BICC1: variants seen among roughly 807,000 people sequenced by gnomAD.
BICC1 encodes protein bicaudal C homolog 1.
Under a neutral mutation model 111.0 loss-of-function variants are expected in BICC1, and 43 were observed. That is an observed-to-expected ratio of 0.39 (90% CI 0.30 to 0.50). The LOEUF (loss-of-function observed/expected upper bound fraction) is 0.50, where lower values mean the gene tolerates loss of function less well. Ranked by LOEUF, BICC1 falls within the 20% of genes least tolerant of loss-of-function variation. The pLI, the probability that BICC1 is intolerant of heterozygous loss-of-function variation, is 0.88. For missense variants in BICC1, 1,091 were observed against 1,203.2 expected (o/e 0.91, Z 1.38); for synonymous variants, 467 against 434.4 (o/e 1.07, Z -0.93).
At chr10:58,568,840 G>T (rs546978927) in intron 1 of BICC1, among the ~76,000 whole-genome samples, 1 of 152,302 alleles carries the variant, frequency 6.6e-6, no homozygotes, top group African/African-American at 2.4e-5. Context: ...AGAACGACAT[G>T]ATATTACCAA....
intron 1 of BICC1, among the ~76,000 whole-genome samples, chr10:58,547,148 T>G (rs547045137): frequency 3.9e-4 from 59 of 152,340 alleles, no homozygotes; most frequent in Non-Finnish European, 6.6e-4. Flanking sequence ...TGCATTGTTA[T>G]GAACTACAGT....
At chr10:58,541,140 G>A (rs1415441931) in intron 1 of BICC1, among the ~76,000 whole-genome samples, 3 of 152,024 alleles carry the variant, frequency 2.0e-5, no homozygotes, top group Non-Finnish European at 2.9e-5. Context: ...TTAAGATGAT[G>A]CACAAGGGAA....
intron 1 of BICC1, among the ~76,000 whole-genome samples, chr10:58,582,778 A>AT (rs1844318274): frequency 6.6e-6 from 1 of 152,056 alleles, no homozygotes; most frequent in Non-Finnish European, 1.5e-5. Flanking sequence ...TCCTTCCTCC[A>AT]TTTTTAAAGC....
At chr10:58,796,275 C>A in intron 9 of BICC1, 65 bp from the exon 10 acceptor site, 1 of 1,381,898 alleles carries the variant, frequency 7.2e-7, no homozygotes, top group Non-Finnish European at 1.0e-6. Flanking sequence ...CACCTCCCTC[C>A]CCTCCCCCAT....
chr10:58,826,365 TG>T (rs1373523612), intron 20 of BICC1, among the ~76,000 whole-genome samples: 1 of 152,122 alleles, frequency 6.6e-6, no homozygotes, highest in African/African-American at 2.4e-5. Flanking sequence ...AGAAAATCAT[TG>T]AGGAGAAAGA....
intron 2 of BICC1, among the ~76,000 whole-genome samples, chr10:58,638,107 T>C (rs1007051832): frequency 2.6e-5 from 4 of 152,112 alleles, no homozygotes; most frequent in Non-Finnish European, 4.4e-5. Context: ...AAAAAGAATG[T>C]AATTTTAACT....
chr10:58,676,128 G>T (rs146028839), intron 2 of BICC1, among the ~76,000 whole-genome samples: 1 of 152,136 alleles, frequency 6.6e-6, no homozygotes, highest in East Asian at 1.9e-4. Flanking sequence ...TTCACAACCC[G>T]CAGACCAGGA....
At chr10:58,752,956 TA>T (rs1589102802) in intron 3 of BICC1, among the ~76,000 whole-genome samples, 1 of 152,198 alleles carries the variant, frequency 6.6e-6, no homozygotes, top group East Asian at 1.9e-4. Flanking sequence ...TGGCTTTCTT[TA>T]TGCTTCCCAT....
intron 1 of BICC1, among the ~76,000 whole-genome samples, chr10:58,586,634 A>G (rs7478519): frequency 3.6e-4 from 1 of 2,740 alleles, no homozygotes; most frequent in Non-Finnish European, 1.0e-3. Flanking sequence ...AAAAAAAAAC[A>G]AAAAAAAACC....
chr10:58,648,762 T>C (rs1216279775), intron 2 of BICC1: 1 of 587,374 alleles, frequency 1.7e-6, no homozygotes, highest in East Asian at 1.4e-4. Flanking sequence ...TCATGATGAC[T>C]CCTGATCACT....
chr10:58,815,286 CAAGTCT>C (rs1229270581), intron 18 of BICC1, among the ~76,000 whole-genome samples: 1 of 152,042 alleles, frequency 6.6e-6, no homozygotes, highest in Non-Finnish European at 1.5e-5. Flanking sequence ...GGTTGTTGGC[CAAGTCT>C]AAATAAGAAA....
chr10:58,642,006 A>C (rs781580968), intron 2 of BICC1, among the ~76,000 whole-genome samples: 1 of 152,254 alleles, frequency 6.6e-6, no homozygotes, highest in Non-Finnish European at 1.5e-5. Context: ...AATATCTTGC[A>C]GGGAAGACAC....
At chr10:58,648,769 C>A in intron 2 of BICC1, 2 of 553,904 alleles carry the variant, frequency 3.6e-6, no homozygotes, top group Non-Finnish European at 4.6e-6. Flanking sequence ...GACTCCTGAT[C>A]ACTCTGCTTT....
At chr10:58,747,490 A>G (rs921751828) in intron 3 of BICC1, among the ~76,000 whole-genome samples, 1 of 152,134 alleles carries the variant, frequency 6.6e-6, no homozygotes, top group Non-Finnish European at 1.5e-5. Flanking sequence ...TTTTTGATTG[A>G]AAAATTATCG....
At chr10:58,679,036 G>T (rs940934695) in intron 2 of BICC1, among the ~76,000 whole-genome samples, 2 of 152,220 alleles carry the variant, frequency 1.3e-5, no homozygotes, top group Non-Finnish European at 2.9e-5. Flanking sequence ...AGCTAGAGCA[G>T]TGTTTAGAGT....
chr10:58,701,691 TG>T (rs960057199), intron 2 of BICC1, among the ~76,000 whole-genome samples: 8 of 152,120 alleles, frequency 5.3e-5, no homozygotes, highest in African/African-American at 1.9e-4. Flanking sequence ...ACAGGAATCA[TG>T]TTTGGTGTGT....
chr10:58,696,820 T>C (rs1449987924), intron 2 of BICC1, among the ~76,000 whole-genome samples: 1 of 152,208 alleles, frequency 6.6e-6, no homozygotes, highest in African/African-American at 2.4e-5. Flanking sequence ...TGATTCAACA[T>C]CAGATGTTTG....
At chr10:58,615,372 C>T (rs959698268) in intron 1 of BICC1, among the ~76,000 whole-genome samples, 5 of 152,128 alleles carry the variant, frequency 3.3e-5, no homozygotes, top group African/African-American at 1.2e-4. Flanking sequence ...GGCAGACATC[C>T]AGTTCAGCAT....
At chr10:58,744,538 A>G (rs942079652) in intron 3 of BICC1, among the ~76,000 whole-genome samples, 1 of 152,100 alleles carries the variant, frequency 6.6e-6, no homozygotes, top group Non-Finnish European at 1.5e-5. Flanking sequence ...AAAATTCATT[A>G]ATATTTTTTA....
Sources: allele counts gnomAD v4.1 joint callset (sites outside exome capture counted in the v4.1 genomes callset), GRCh38; gene constraint gnomAD v4.1.1; transcripts MANE v1.5; gene names NCBI Gene and HGNC (gene_info 2026-07-23, HGNC 2026-07-21).